The following DNM3 variants were observed in gnomAD, a reference collection of about 807,000 sequenced individuals.
DNM3 encodes the protein dynamin 3, also known as dynamin-3.
A neutral mutation model predicts 101.6 loss-of-function variants in DNM3; 47 were observed. That is an observed-to-expected ratio of 0.46 (90% confidence interval 0.37 to 0.59). The LOEUF (loss-of-function observed/expected upper bound fraction) is 0.59. Among genes scored for constraint, DNM3 ranks in the 20% least tolerant of loss-of-function variants. The pLI is 0.00. For missense variants in DNM3, 849 were observed against 1,085.7 expected (o/e 0.78, Z 3.06); for synonymous variants, 385 against 387.9 (o/e 0.99, Z 0.09).
chr1:172,059,050 G>C (rs940901833), intron 10 of DNM3, among the ~76,000 whole-genome samples: 15 of 152,182 alleles, frequency 9.9e-5, no homozygotes, highest in African/African-American at 3.6e-4. Flanking sequence ...ACTACCATCA[G>C]AGAATACTAC....
At chr1:171,892,326 C>T (rs1269516288) in intron 1 of DNM3, among the ~76,000 whole-genome samples, 1 of 152,098 alleles carries the variant, frequency 6.6e-6, no homozygotes, top group East Asian at 1.9e-4. Context: ...GTGTTAGAAA[C>T]CAAAATCTAG....
intron 12 of DNM3, among the ~76,000 whole-genome samples, chr1:172,086,039 C>T (rs76547828): frequency 0.03 from 4,532 of 152,216 alleles, 168 homozygotes; most frequent in East Asian, 0.14. Flanking sequence ...TGAAAGGATA[C>T]CATTCACATA....
rs1403866018 is a variant in DNM3, at chr1:172,409,639, C to T, written c.*1798C>T. On this transcript the variant is annotated 3_prime_UTR_variant, in exon 21 of 21. Coordinates refer to ENST00000627582, the MANE Select transcript of DNM3 (RefSeq NM_015569.5). The stretch of plus-strand genomic sequence containing the variant: ...GTGAATGGAACCAATGTGCAAGATA[C>T]ATACTGCATTTTTAAAATAGTGTCT... The T allele has an allele frequency of 1.0e-6, 1 of 985,564 alleles. No individual in the cohort carries two copies. The highest frequency in any genetic ancestry group is 1.2e-6 in the Non-Finnish European group (1 of 829,824). The allele number at this position is 985,564 out of a possible 1,614,324, so 61.1% of individuals were successfully genotyped here.
intron 20 of DNM3, among the ~76,000 whole-genome samples, chr1:172,390,594 G>A (rs1375422752): frequency 1.3e-5 from 2 of 152,200 alleles, no homozygotes; most frequent in Admixed American, 1.3e-4. Context: ...GTCCCTTAGG[G>A]GAGTAAAATT....
rs56214947 is a variant in DNM3, at chr1:172,411,076, C to T, written c.*3235C>T. The stretch of plus-strand genomic sequence containing the variant: ...ACAAGCATGAGTGTGATTGTATGTG[C>T]ACTGTGTGTATATATATAAATATAT... On this transcript the variant is annotated 3_prime_UTR_variant, in exon 21 of 21. Coordinates refer to ENST00000627582, the MANE Select transcript of DNM3 (RefSeq NM_015569.5). The T allele has an allele frequency of 1.9e-3, 1,845 of 984,810 alleles. 30 individuals are homozygous for T. The African/African-American group carries it at 0.027, about 14-fold the overall frequency. 61.0% of individuals were successfully genotyped at this position (984,810 alleles called of 1,614,324 possible). A position where few individuals can be genotyped will look rare whatever the true frequency, so the allele number is the denominator to read the frequency against.
At chr1:172,365,430 A>G (rs747481988) in intron 17 of DNM3, among the ~76,000 whole-genome samples, 16 of 151,956 alleles carry the variant, frequency 1.1e-4, no homozygotes, top group Non-Finnish European at 2.2e-4. Context: ...AAATATTTTT[A>G]AAGTAGTCAG....
chr1:171,943,667 A>G (rs976598073), intron 2 of DNM3, among the ~76,000 whole-genome samples: 4 of 152,180 alleles, frequency 2.6e-5, no homozygotes, highest in African/African-American at 9.7e-5. Flanking sequence ...GGACCAAACC[A>G]ATCTATATCT....
intron 20 of DNM3, among the ~76,000 whole-genome samples, chr1:172,406,376 T>A (rs1558100895): frequency 1.3e-5 from 2 of 151,898 alleles, no homozygotes; most frequent in African/African-American, 4.8e-5. Context: ...AAGAAGAAAA[T>A]TATGCAGATT....
intron 15 of DNM3, among the ~76,000 whole-genome samples, chr1:172,275,351 A>G (rs1444519979): frequency 6.6e-6 from 1 of 152,046 alleles, no homozygotes. Context: ...CACTAAAGTT[A>G]TTTTATCATT....
intron 16 of DNM3, among the ~76,000 whole-genome samples, chr1:172,320,192 T>G (rs1303506945): frequency 7.9e-6 from 1 of 127,376 alleles, no homozygotes; most frequent in Admixed American, 8.9e-5. Context: ...TGAGAACACA[T>G]GGACACAGGA....
At chr1:171,898,778 A>T (rs1206827850) in intron 1 of DNM3, among the ~76,000 whole-genome samples, 1 of 151,776 alleles carries the variant, frequency 6.6e-6, no homozygotes, top group East Asian at 1.9e-4. Flanking sequence ...GTAGAGAGTG[A>T]ATTTTTTTTT....
At chr1:172,163,958 C>T (rs74640363) in intron 14 of DNM3, among the ~76,000 whole-genome samples, 41 of 36,092 alleles carry the variant, frequency 1.1e-3, no homozygotes, top group African/African-American at 3.8e-3. Context: ...CATATATATA[C>T]ACACACACAC....
At chr1:172,016,493 G>A (rs1441997206) in intron 4 of DNM3, among the ~76,000 whole-genome samples, 1 of 152,124 alleles carries the variant, frequency 6.6e-6, no homozygotes, top group African/African-American at 2.4e-5. Context: ...CTACATTGTT[G>A]GACTTGACTT....
intron 17 of DNM3, among the ~76,000 whole-genome samples, chr1:172,361,114 T>C (rs1160763234): frequency 2.0e-5 from 3 of 152,018 alleles, no homozygotes; most frequent in African/African-American, 4.8e-5. Flanking sequence ...TCTGGCCCAC[T>C]ATGGGATTTC....
At chr1:171,843,212 A>G (rs1008334112) in intron 1 of DNM3, among the ~76,000 whole-genome samples, 1 of 152,224 alleles carries the variant, frequency 6.6e-6, no homozygotes, top group African/African-American at 2.4e-5. Flanking sequence ...GAAGCCTAAC[A>G]AAGTAAAATT....
intron 4 of DNM3, among the ~76,000 whole-genome samples, chr1:172,015,548 C>T (rs2047394844): frequency 6.6e-6 from 1 of 151,940 alleles, no homozygotes; most frequent in African/African-American, 2.4e-5. Flanking sequence ...TAGTAATGTA[C>T]TTTTAATTTC....
At chr1:171,906,021 C>A (rs1054742515) in intron 1 of DNM3, among the ~76,000 whole-genome samples, 2 of 152,054 alleles carry the variant, frequency 1.3e-5, no homozygotes, top group Non-Finnish European at 2.9e-5. Context: ...GATTGTTTAG[C>A]CTCTTCACAT....
At chr1:172,353,933 G>T (rs1004178070) in intron 17 of DNM3, among the ~76,000 whole-genome samples, 5 of 151,850 alleles carry the variant, frequency 3.3e-5, no homozygotes, top group African/African-American at 1.2e-4. Context: ...ATAAAATTTG[G>T]CCAAAAAGAG....
chr1:171,994,972 T>C (rs2125644939), intron 4 of DNM3, among the ~76,000 whole-genome samples: 1 of 152,150 alleles, frequency 6.6e-6, no homozygotes, highest in South Asian at 2.1e-4. Flanking sequence ...CAGGGGTTTC[T>C]AGGGTTCTGA....
Sources: allele counts gnomAD v4.1 joint callset (sites outside exome capture counted in the v4.1 genomes callset), GRCh38; gene constraint gnomAD v4.1.1; transcripts MANE v1.5; gene names NCBI Gene and HGNC (gene_info 2026-07-23, HGNC 2026-07-21).